Variants in EDEM3 observed in about 807,000 individuals in gnomAD.
EDEM3 encodes the protein ER degradation-enhancing alpha-mannosidase-like protein 3.
A neutral mutation model predicts 110.2 loss-of-function variants in EDEM3; 60 were observed. The ratio of observed to expected loss-of-function variants is 0.54; its 90% CI spans 0.44 to 0.67. The LOEUF (loss-of-function observed/expected upper bound fraction) is 0.67, where lower values mean the gene tolerates loss of function less well. Ranked by LOEUF, EDEM3 falls within the 30% of genes least tolerant of loss-of-function variation. The pLI, the probability that EDEM3 is intolerant of heterozygous loss-of-function variation, is 0.00. For synonymous variants in EDEM3, 352 were observed against 382.9 expected, an observed-to-expected ratio of 0.92 and a Z score of 0.94; for missense variants, 996 against 1,121.0, an observed-to-expected ratio of 0.89 and a Z score of 1.59.
intron 18 of EDEM3, among the ~76,000 whole-genome samples, chr1:184,704,365 A>G (rs758051135): frequency 2.6e-5 from 4 of 152,046 alleles, no homozygotes; most frequent in African/African-American, 9.7e-5. Flanking sequence ...ATTAAAAATT[A>G]AATTTTTGGC....
intron 2 of EDEM3, among the ~76,000 whole-genome samples, chr1:184,747,497 TTGGGTTA>T: frequency 6.6e-6 from 1 of 152,340 alleles, no homozygotes; most frequent in East Asian, 1.9e-4. Flanking sequence ...AGACTAAATC[TTGGGTTA>T]CAGACCTCAC....
intron 4 of EDEM3, among the ~76,000 whole-genome samples, chr1:184,734,988 C>T (rs1462499448): frequency 6.6e-6 from 1 of 152,164 alleles, no homozygotes; most frequent in Non-Finnish European, 1.5e-5. Context: ...AAAACCCATC[C>T]TATTCACCAG....
At chr1:184,728,117 G>A (rs1471572472) in intron 6 of EDEM3, among the ~76,000 whole-genome samples, 2 of 152,024 alleles carry the variant, frequency 1.3e-5, no homozygotes, top group Non-Finnish European at 2.9e-5. Context: ...TACCATGTGG[G>A]GGATATTATG....
chr1:184,753,584 TCTCA>T (rs1294089458), intron 1 of EDEM3, among the ~76,000 whole-genome samples: 3 of 152,226 alleles, frequency 2.0e-5, no homozygotes, highest in East Asian at 1.9e-4. Context: ...CAATTTACAC[TCTCA>T]CTAAGCCTTT....
intron 19 of EDEM3, among the ~76,000 whole-genome samples, chr1:184,697,087 CTCCTT>C (rs1425055302): frequency 6.6e-6 from 1 of 151,770 alleles, no homozygotes; most frequent in Non-Finnish European, 1.5e-5. Context: ...ATACCAATAA[CTCCTT>C]TGTAGTAACA....
At chr1:184,704,136 A>G (rs148178099) in intron 18 of EDEM3, among the ~76,000 whole-genome samples, 1 of 152,278 alleles carries the variant, frequency 6.6e-6, no homozygotes, top group African/African-American at 2.4e-5. Flanking sequence ...ATTCACTAAA[A>G]ATAATCCATT....
In EDEM3 at chr1:184,719,193, T is replaced by A; in HGVS notation, c.1130A>T (p.Gln377Leu). The A allele has an allele frequency of 6.4e-7, 1 of 1,574,030 alleles. No individual in the cohort carries two copies. Among genetic ancestry groups the A allele is most frequent in the East Asian group, 2.3e-5 (1 of 44,400 alleles). ...TAGAAAATTGTGTTTTTTAATCACCTGATATAACATTTCATGAGTTTCAAT... is the reference window on the plus strand; with the variant it reads ...TAGAAAATTGTGTTTTTTAATCACCAGATATAACATTTCATGAGTTTCAAT... The part of the protein sequence containing the change: ...PAIETHEMLY[Q>L]VIKKHNFLPE... The change falls in exon 11 of 20, where the codon CAG becomes CTG. Residue 377 changes from glutamine (Q) to leucine (L), a missense_variant. This residue lies in a region of EDEM3 where 310 missense variants were observed against 394.6 expected (regional missense o/e 0.79). Coordinates refer to ENST00000318130, the MANE Select transcript of EDEM3 (RefSeq NM_025191.4).
chr1:184,721,477 T>C lies in EDEM3; in HGVS notation c.854-91A>G, dbSNP rs1383790855. The C allele has an allele frequency of 5.8e-6, 5 of 862,010 alleles. No homozygotes were observed. In the East Asian group the frequency reaches 1.4e-4, roughly 24 times the overall value. 53.4% of individuals were successfully genotyped at this position (862,010 alleles called of 1,614,324 possible). ...TAGCACTCCTTAGATTAGCATTAAA[T>C]TAACATTGTGCATATATATGACTAC... On this transcript the variant is annotated intron_variant, in intron 8 of 19. Transcript: ENST00000318130.
chr1:184,754,680 G>A lies in EDEM3; in HGVS notation c.-34C>T, dbSNP rs763613914. 1 of 1,506,980 alleles carries A rather than the reference G, an allele frequency of 6.6e-7. No homozygotes were observed. The highest frequency in any genetic ancestry group is 8.9e-7 in the Non-Finnish European group (1 of 1,129,866). The allele number at this position is 1,506,980 out of a possible 1,614,324, so 93.4% of individuals were successfully genotyped here. ...GGTTCCGCGCACGCGCAGCTGCTAC[G>A]CCCGGCCGGTGAGACACATTGCTGG... On this transcript the variant is annotated 5_prime_UTR_variant, in exon 1 of 20. Coordinates refer to ENST00000318130, the MANE Select transcript of EDEM3 (RefSeq NM_025191.4).
At position 184,692,660 on chromosome 1, in the gene EDEM3, A is replaced by G. The variant is rs568533362; in HGVS notation, c.*1403T>C. 6.6e-6 allele frequency: 1 copy of G among 152,068 alleles called. No individual in the cohort carries two copies. The allele number at this position is 152,068 out of a possible 1,614,324, so 9.4% of individuals were successfully genotyped here. A position where few individuals can be genotyped will look rare whatever the true frequency, so the allele number is the denominator to read the frequency against. ...TTTAGAACAAATTCAGGCAAGTTTA[A>G]AAAATAAATAAAATGAATAAAGCCA... On this transcript the variant is annotated 3_prime_UTR_variant, in exon 20 of 20. Coordinates refer to ENST00000318130, the MANE Select transcript of EDEM3 (RefSeq NM_025191.4).
chr1:184,717,432 ATAATAT>A, intron 12 of EDEM3, 102 bp downstream of exon 12: 1 of 777,586 alleles, frequency 1.3e-6, no homozygotes, highest in Non-Finnish European at 2.1e-6. Context: ...TCCAATCATT[ATAATAT>A]TAAAAGGGGA....
chr1:184,743,678 G>A (rs1409422502), intron 2 of EDEM3, among the ~76,000 whole-genome samples: 6 of 152,056 alleles, frequency 3.9e-5, no homozygotes, highest in African/African-American at 1.4e-4. Flanking sequence ...AACTGCCTGA[G>A]TTCAGGACCC....
chr1:184,690,988 TGTGATG>T lies in EDEM3; in HGVS notation c.*3069_*3074del, dbSNP rs1376200426. 1 of 152,464 alleles carries T rather than the reference TGTGATG, an allele frequency of 6.6e-6. No homozygotes were observed. The highest frequency in any genetic ancestry group is 1.5e-5 in the Non-Finnish European group (1 of 67,970). The allele number at this position is 152,464 out of a possible 1,614,324, so 9.4% of individuals were successfully genotyped here. A position where few individuals can be genotyped will look rare whatever the true frequency, so the allele number is the denominator to read the frequency against. ...GTTGGCTTTACTATAAAAAAGGTTG[TGTGATG>T]GTAATTTAAATTTTAAAAGCTTCTT... On this transcript the variant is annotated 3_prime_UTR_variant, in exon 20 of 20. Coordinates refer to ENST00000318130, the MANE Select transcript of EDEM3 (RefSeq NM_025191.4).
intron 10 of EDEM3, 39 bp downstream of exon 10, chr1:184,719,404 C>T: frequency 6.3e-7 from 1 of 1,593,500 alleles, no homozygotes; most frequent in Non-Finnish European, 8.5e-7. Flanking sequence ...TTAACATCAT[C>T]ATCTTACATT....
chr1:184,748,377 G>A (rs892670519), intron 2 of EDEM3, among the ~76,000 whole-genome samples: 8 of 151,836 alleles, frequency 5.3e-5, no homozygotes, highest in African/African-American at 1.9e-4. Context: ...AACCTGGGAG[G>A]TGGTGGCTGC....
chr1:184,743,362 T>C (rs1365161764), intron 2 of EDEM3, among the ~76,000 whole-genome samples: 2 of 152,120 alleles, frequency 1.3e-5, no homozygotes, highest in Non-Finnish European at 1.5e-5. Flanking sequence ...GTAATTCATA[T>C]TGATATGACT....
At position 184,734,660 on chromosome 1, in the gene EDEM3, A is replaced by G. The variant is rs374835657; in HGVS notation, c.346-17T>C. On this transcript the variant is annotated splice_polypyrimidine_tract_variant and intron_variant, in intron 4 of 19. Coordinates refer to ENST00000318130, the MANE Select transcript of EDEM3 (RefSeq NM_025191.4). Reference sequence around the variant, plus strand: ...ATTTAAAACCTGGGAGAAGAAAATTATGAAATAAAGTTCTTTTCTACCAAG... The same window carrying G: ...ATTTAAAACCTGGGAGAAGAAAATTGTGAAATAAAGTTCTTTTCTACCAAG... 469 of 1,093,980 alleles carry G rather than the reference A, an allele frequency of 4.3e-4. No individual in the cohort carries two copies. The highest frequency in any genetic ancestry group is 5.6e-4 in the Non-Finnish European group (428 of 765,998). 67.8% of individuals were successfully genotyped at this position (1,093,980 alleles called of 1,614,324 possible).
chr1:184,730,144 T>TA (rs1651426866), intron 6 of EDEM3, among the ~76,000 whole-genome samples: 2 of 152,190 alleles, frequency 1.3e-5, no homozygotes, highest in South Asian at 4.2e-4. Flanking sequence ...CACTGAGAAG[T>TA]AAAAAAGAAT....
In EDEM3 at chr1:184,754,603, T is replaced by C; in HGVS notation, c.44A>G (p.Gln15Arg). Residue 15 changes from glutamine (Q) to arginine (R), a missense_variant, in exon 1 of 20, where the codon CAG (glutamine) becomes CGG (arginine). Coordinates refer to ENST00000318130, the MANE Select transcript of EDEM3 (RefSeq NM_025191.4). ...GGRGCGSPVP[Q>R]RARWRLVAAT... ...CGCCACTAGTCTCCATCGCGCTCGC[T>C]GGGGAACCGGGGACCCACAGCCCCG... 6.2e-7 allele frequency: 1 copy of C among 1,608,988 alleles called. No individual in the cohort carries two copies.
Sources: allele counts gnomAD v4.1 joint callset (sites outside exome capture counted in the v4.1 genomes callset), GRCh38; gene constraint gnomAD v4.1.1; regional missense constraint gnomAD v4.1.1; transcripts MANE v1.5; gene names NCBI Gene and HGNC (gene_info 2026-07-23, HGNC 2026-07-21).